HACD2: variants seen among roughly 807,000 people sequenced by gnomAD.
The protein encoded by HACD2 is very-long-chain (3R)-3-hydroxyacyl-CoA dehydratase 2.
Under a neutral mutation model 31.0 loss-of-function variants are expected in HACD2, and 15 were observed. That is an observed-to-expected ratio of 0.48 (90% CI 0.32 to 0.75). HACD2 has a LOEUF of 0.75. Among genes scored for constraint, HACD2 ranks in the 30% least tolerant of loss-of-function variants. The probability of loss-of-function intolerance (pLI) is 0.03; values close to 1 mark genes in which losing one functional copy is unlikely to be tolerated. For synonymous variants in HACD2, 115 were observed against 122.2 expected (o/e 0.94, Z 0.39); for missense variants, 283 against 313.0 (o/e 0.90, Z 0.72).
intron 3 of HACD2, among the ~76,000 whole-genome samples, chr3:123,567,131 G>T (rs888835780): frequency 6.6e-6 from 1 of 152,102 alleles, no homozygotes; most frequent in Non-Finnish European, 1.5e-5. Context: ...GCTCTATAGG[G>T]TCTATCAACT....
At chr3:123,510,046 G>T (rs2056037173) in intron 4 of HACD2, among the ~76,000 whole-genome samples, 1 of 151,980 alleles carries the variant, frequency 6.6e-6, no homozygotes, top group Non-Finnish European at 1.5e-5. Flanking sequence ...TAATTCGTTG[G>T]AATTAAGTAC....
chr3:123,561,915 GATTCT>G (rs1403719591), intron 3 of HACD2, among the ~76,000 whole-genome samples: 1 of 152,110 alleles, frequency 6.6e-6, no homozygotes, highest in Non-Finnish European at 1.5e-5. Context: ...GGGTTCAAGT[GATTCT>G]CCCACCTCAG....
At chr3:123,539,269 A>C (rs2056460129) in intron 3 of HACD2, among the ~76,000 whole-genome samples, 1 of 152,128 alleles carries the variant, frequency 6.6e-6, no homozygotes, top group Non-Finnish European at 1.5e-5. Context: ...ACTATAATAC[A>C]TAATAAAAAA....
intron 3 of HACD2, among the ~76,000 whole-genome samples, chr3:123,556,550 T>C (rs2056674767): frequency 6.6e-6 from 1 of 151,986 alleles, no homozygotes; most frequent in Admixed American, 6.6e-5. Flanking sequence ...GAGATATCTA[T>C]AGTAACAAGT....
At chr3:123,533,754 G>A (rs905383904) in intron 3 of HACD2, among the ~76,000 whole-genome samples, 2 of 152,128 alleles carry the variant, frequency 1.3e-5, no homozygotes, top group African/African-American at 4.8e-5. Context: ...GGAAGACAGT[G>A]TCCCTGGTGA....
At chr3:123,546,090 G>A (rs778584483) in intron 3 of HACD2, among the ~76,000 whole-genome samples, 1 of 152,064 alleles carries the variant, frequency 6.6e-6, no homozygotes, top group Non-Finnish European at 1.5e-5. Context: ...TATTAATGAG[G>A]ACTTTAATGG....
intron 5 of HACD2, among the ~76,000 whole-genome samples, chr3:123,501,484 G>A (rs941929521): frequency 9.9e-5 from 15 of 152,198 alleles, no homozygotes; most frequent in Admixed American, 6.5e-4. Context: ...AATGTGCAAC[G>A]GACTACAAAC....
At chr3:123,552,550 T>C (rs892249353) in intron 3 of HACD2, among the ~76,000 whole-genome samples, 4 of 152,130 alleles carry the variant, frequency 2.6e-5, no homozygotes, top group Admixed American at 1.3e-4. Context: ...TTTACAACTA[T>C]ACAAAACCAT....
At chr3:123,577,387 C>T (rs867706475) in intron 2 of HACD2, among the ~76,000 whole-genome samples, 2 of 151,950 alleles carry the variant, frequency 1.3e-5, no homozygotes, top group African/African-American at 2.4e-5. Context: ...TTTGGGAGGC[C>T]GAGGCTGGCG....
chr3:123,552,436 A>G (rs1465895168), intron 3 of HACD2, among the ~76,000 whole-genome samples: 1 of 152,228 alleles, frequency 6.6e-6, no homozygotes, highest in Non-Finnish European at 1.5e-5. Context: ...CACTAAAGAG[A>G]CTATACTTCA....
At chr3:123,553,540 C>T (rs2056641593) in intron 3 of HACD2, among the ~76,000 whole-genome samples, 1 of 152,222 alleles carries the variant, frequency 6.6e-6, no homozygotes, top group Non-Finnish European at 1.5e-5. Flanking sequence ...AAGGCAAGCT[C>T]CTGACTGCTC....
chr3:123,546,742 G>A (rs2056564321), intron 3 of HACD2, among the ~76,000 whole-genome samples: 1 of 152,126 alleles, frequency 6.6e-6, no homozygotes, highest in Non-Finnish European at 1.5e-5. Context: ...TCCTTTTATA[G>A]TTGAGAAAAT....
At chr3:123,558,857 A>T (rs2056698566) in intron 3 of HACD2, among the ~76,000 whole-genome samples, 1 of 152,184 alleles carries the variant, frequency 6.6e-6, no homozygotes, top group Admixed American at 6.5e-5. Context: ...TGCAGGACTA[A>T]CCTTGCTTTT....
rs915906778 is a variant in HACD2 at position 123,494,788 on chromosome 3, C to A, written c.*100G>T. The A allele has an allele frequency of 2.6e-6, 2 of 767,478 alleles. No homozygotes were observed. Among genetic ancestry groups the A allele is most frequent in the Non-Finnish European group, 4.4e-6 (2 of 457,698 alleles). 47.5% of individuals were successfully genotyped at this position (767,478 alleles called of 1,614,324 possible). ...TTGTTTGAATATTTTAAAAATAGTT[C>A]TTACTTATTTTCTATGAAACGTATT... On this transcript the variant is annotated 3_prime_UTR_variant, in exon 7 of 7. Coordinates refer to ENST00000383657, the MANE Select transcript of HACD2 (RefSeq NM_198402.5).
intron 3 of HACD2, among the ~76,000 whole-genome samples, chr3:123,564,462 G>A (rs16834426): frequency 0.31 from 46,739 of 152,066 alleles, 8,443 homozygotes; most frequent in African/African-American, 0.5. Flanking sequence ...TCAGTCCAAC[G>A]AAGGCTGAAG....
Position 123,498,478 on chromosome 3 carries a change from G to C in HACD2, c.682+2037C>G, listed in dbSNP as rs542324995. 5.3e-5 allele frequency among the ~76,000 whole-genome samples: 8 copies of C among 152,286 alleles called. No individual in the cohort carries two copies. The South Asian group carries it at 1.7e-3, about 32-fold the overall frequency. On this transcript the variant is annotated intron_variant, in intron 6 of 6. Transcript: ENST00000383657. ...AGCAGGAGGTGAGTGGTGGGCAAAT[G>C]AGCATTACTGCCTGAGCTCTGCCTC...
At chr3:123,511,385 G>A (rs1256738844) in intron 4 of HACD2, among the ~76,000 whole-genome samples, 1 of 152,006 alleles carries the variant, frequency 6.6e-6, no homozygotes, top group African/African-American at 2.4e-5. Context: ...ACACATTATG[G>A]GGTAACAATT....
At chr3:123,528,196 C>T (rs924306139) in intron 4 of HACD2, among the ~76,000 whole-genome samples, 190 bp downstream of exon 4, 4 of 152,194 alleles carry the variant, frequency 2.6e-5, no homozygotes, top group Non-Finnish European at 4.4e-5. Context: ...TTTTTAACAA[C>T]ACTGCATATC....
intron 5 of HACD2, among the ~76,000 whole-genome samples, chr3:123,501,594 A>C (rs2055902823): frequency 6.6e-6 from 1 of 152,150 alleles, no homozygotes; most frequent in Non-Finnish European, 1.5e-5. Context: ...GTGGAAAAAA[A>C]TCTTTCAGAG....
Sources: allele counts gnomAD v4.1 joint callset (sites outside exome capture counted in the v4.1 genomes callset), GRCh38; gene constraint gnomAD v4.1.1; transcripts MANE v1.5; gene names NCBI Gene and HGNC (gene_info 2026-07-23, HGNC 2026-07-21).